The following SPAST variants were observed in gnomAD, a reference collection of about 807,000 sequenced individuals.
SPAST encodes the protein spastin.
Under a neutral mutation model 76.6 loss-of-function variants are expected in SPAST, and 30 were observed. The observed-to-expected ratio is 0.39, with a 90% CI of 0.29 to 0.53. The LOEUF (loss-of-function observed/expected upper bound fraction) is 0.53. Ranked by LOEUF, SPAST falls within the 20% of genes least tolerant of loss-of-function variation. The pLI is 0.68. For missense variants in SPAST, 717 were observed against 770.5 expected (o/e 0.93, Z 0.82); for synonymous variants, 305 against 281.0 (o/e 1.09, Z -0.86).
intron 13 of SPAST, among the ~76,000 whole-genome samples, chr2:32,143,106 A>G (rs1362476829): frequency 2.0e-5 from 3 of 151,806 alleles, no homozygotes; most frequent in Non-Finnish European, 4.4e-5. Context: ...CTCTACAAAA[A>G]CTTTTTTAGA....
intron 1 of SPAST, among the ~76,000 whole-genome samples, chr2:32,072,102 G>C (rs1325297674): frequency 6.6e-6 from 1 of 152,112 alleles, no homozygotes; most frequent in African/African-American, 2.4e-5. Flanking sequence ...GAGTGCAGTG[G>C]CATGATCTCG....
intron 9 of SPAST, among the ~76,000 whole-genome samples, chr2:32,133,657 A>C (rs1679442007): frequency 6.8e-6 from 1 of 147,154 alleles, no homozygotes. Context: ...TCTATTATTA[A>C]AAAAAAAAAA....
chr2:32,069,390 A>G (rs1676657058), intron 1 of SPAST, among the ~76,000 whole-genome samples: 2 of 152,150 alleles, frequency 1.3e-5, no homozygotes, highest in Admixed American at 6.6e-5. Flanking sequence ...CTTAGTTCCA[A>G]GAGAATGTAA....
At chr2:32,106,060 TG>T (rs1678308099) in intron 4 of SPAST, among the ~76,000 whole-genome samples, 1 of 152,090 alleles carries the variant, frequency 6.6e-6, no homozygotes, top group Admixed American at 6.6e-5. Flanking sequence ...TCCCCAGAGG[TG>T]GAGTCTACAG....
In SPAST at chr2:32,063,785, G is replaced by A. The variant is rs775727161; in HGVS notation, c.-47G>A. The A allele has an allele frequency of 1.7e-5, 26 of 1,543,056 alleles. No individual in the cohort carries two copies. The highest frequency in any genetic ancestry group is 1.4e-5 in the African/African-American group (1 of 73,166). ...CTGCCGCCGTCGCTTGGTTCCCGTCGGTCTGCGGGAGGCGGGTTATGGCGG... is the reference window on the plus strand; with the variant it reads ...CTGCCGCCGTCGCTTGGTTCCCGTCAGTCTGCGGGAGGCGGGTTATGGCGG... On this transcript the variant is annotated 5_prime_UTR_variant, in exon 1 of 17. Coordinates refer to ENST00000315285, the MANE Select transcript of SPAST (RefSeq NM_014946.4).
rs537347709 is a variant in SPAST at position 32,084,347 on chromosome 2, G to A, written c.416-3145G>A. Among the ~76,000 whole-genome samples, 148 of 151,156 alleles carry A rather than the reference G, an allele frequency of 9.8e-4. 1 individual carries two copies. The highest frequency in any genetic ancestry group is 3.5e-3 in the African/African-American group (146 of 41,266). ...GGCTAATTTGTTTTTTGTATTTTTA[G>A]TAGAGACAGGGTTTCACTGTGTTAG... On this transcript the variant is annotated intron_variant, in intron 1 of 16. Transcript: ENST00000315285.
At chr2:32,081,801 A>AAAAAAAAT in intron 1 of SPAST, among the ~76,000 whole-genome samples, 1 of 149,264 alleles carries the variant, frequency 6.7e-6, no homozygotes, top group African/African-American at 2.5e-5. Context: ...AAAAAAAAAA[A>AAAAAAAAT]AAAGGAAAGA....
At chr2:32,078,450 A>G (rs971188654) in intron 1 of SPAST, among the ~76,000 whole-genome samples, 1 of 152,290 alleles carries the variant, frequency 6.6e-6, no homozygotes, top group East Asian at 1.9e-4. Flanking sequence ...TGCTGGGATT[A>G]CAGGTGTGAG....
At chr2:32,075,317 T>C (rs972806620) in intron 1 of SPAST, among the ~76,000 whole-genome samples, 2 of 150,320 alleles carry the variant, frequency 1.3e-5, no homozygotes, top group African/African-American at 4.9e-5. Context: ...TCCCAGCTAT[T>C]TGGGAGGCTG....
intron 4 of SPAST, among the ~76,000 whole-genome samples, chr2:32,114,000 G>A: frequency 6.6e-6 from 1 of 151,684 alleles, no homozygotes; most frequent in South Asian, 2.1e-4. Context: ...CTGGAGTGCA[G>A]TGGCACGATC....
chr2:32,143,387 A>G lies in SPAST; in HGVS notation c.1588A>G (p.Thr530Ala). 1.2e-6 allele frequency: 2 copies of G among 1,609,680 alleles called. No homozygotes were observed. ...NLLCKQGSPL[T>A]QKELAQLARM... ...GTTATGTAAACAAGGAAGTCCATTG[A>G]CCCAAAAAGAACTAGCACAACTTGC... Residue 530 changes from threonine (T) to alanine (A), a missense_variant, in exon 14 of 17, where the codon ACC becomes GCC. Around this residue, in one of 3 missense-constraint regions of SPAST, gnomAD observed 96 missense variants for 127.6 expected, o/e 0.75. Coordinates refer to ENST00000315285, the MANE Select transcript of SPAST (RefSeq NM_014946.4).
At chr2:32,091,524 A>G (rs1573076132) in intron 3 of SPAST, among the ~76,000 whole-genome samples, 1 of 148,786 alleles carries the variant, frequency 6.7e-6, no homozygotes, top group Non-Finnish European at 1.5e-5. Flanking sequence ...TGATCCATCC[A>G]CCTCAGCCTC....
At chr2:32,095,383 G>A in intron 3 of SPAST, among the ~76,000 whole-genome samples, 1 of 152,080 alleles carries the variant, frequency 6.6e-6, no homozygotes, top group Non-Finnish European at 1.5e-5. Flanking sequence ...AGAAAAGAAA[G>A]CTTCCTAGAA....
chr2:32,101,327 A>C (rs1324059145), intron 4 of SPAST, among the ~76,000 whole-genome samples: 1 of 151,922 alleles, frequency 6.6e-6, no homozygotes, highest in East Asian at 1.9e-4. Context: ...TTTTCTTGTA[A>C]ATTTTTTTAA....
At chr2:32,104,204 T>C (rs1678231243) in intron 4 of SPAST, among the ~76,000 whole-genome samples, 1 of 152,258 alleles carries the variant, frequency 6.6e-6, no homozygotes, top group Non-Finnish European at 1.5e-5. Context: ...TAGCATTATA[T>C]GATGGCCTTC....
At position 32,079,724 on chromosome 2, in the gene SPAST, A is replaced by T. The variant is rs139811774; in HGVS notation, c.416-7768A>T. Among the ~76,000 whole-genome samples the T allele has an allele frequency of 6.2e-4, 94 of 151,964 alleles. 1 individual carries two copies. The East Asian group carries it at 0.016, about 25-fold the overall frequency. Reference sequence around the variant, plus strand: ...CAGGTGTGCACCATCATGCCTGGCTAATTTTTGTACTTTTTGTAGAGATAG... The same window carrying T: ...CAGGTGTGCACCATCATGCCTGGCTTATTTTTGTACTTTTTGTAGAGATAG... On this transcript the variant is annotated intron_variant, in intron 1 of 16. Coordinates refer to ENST00000315285, the MANE Select transcript of SPAST (RefSeq NM_014946.4).
intron 7 of SPAST, among the ~76,000 whole-genome samples, chr2:32,122,387 T>A (rs920282813): frequency 9.9e-5 from 15 of 152,170 alleles, no homozygotes; most frequent in African/African-American, 3.4e-4. Context: ...CTTAGCATGA[T>A]CTTGGCTCAC....
intron 2 of SPAST, among the ~76,000 whole-genome samples, chr2:32,088,833 T>C (rs1343002988): frequency 2.6e-5 from 4 of 152,204 alleles, no homozygotes; most frequent in African/African-American, 9.6e-5. Flanking sequence ...AATATTAATA[T>C]CTGTGACCAA....
rs1385218846 is a variant in SPAST at position 32,064,148 on chromosome 2, C to A, written c.317C>A (p.Ala106Glu). Reference sequence around the variant, plus strand: ...GCACCTGCCTCGGCCTCGGCCCCGGCGCCGGTGCCGGGCGGCGAGGCCGAG... The same window carrying A: ...GCACCTGCCTCGGCCTCGGCCCCGGAGCCGGTGCCGGGCGGCGAGGCCGAG... ...APAPASASAP[A>E]PVPGGEAERV... Residue 106 changes from alanine (A) to glutamate (E), a missense_variant, in exon 1 of 17, where the codon GCG becomes GAG. This residue lies in a region of SPAST where 543 missense variants were observed against 445.2 expected (regional missense o/e 1.22). Transcript: ENST00000315285. 6.4e-7 allele frequency: 1 copy of A among 1,560,386 alleles called. No individual in the cohort carries two copies. The highest frequency in any genetic ancestry group is 8.7e-7 in the Non-Finnish European group (1 of 1,153,114).
Sources: allele counts gnomAD v4.1 joint callset (sites outside exome capture counted in the v4.1 genomes callset), GRCh38; gene constraint gnomAD v4.1.1; regional missense constraint gnomAD v4.1.1; transcripts MANE v1.5; gene names NCBI Gene and HGNC (gene_info 2026-07-23, HGNC 2026-07-21).